Variants in CACNA1C observed in about 807,000 individuals in gnomAD.
CACNA1C encodes voltage-dependent L-type calcium channel subunit alpha-1C.
In CACNA1C, 30 loss-of-function variants were observed where a neutral mutation model predicts 229.0. The observed-to-expected ratio is 0.13, with a 90% confidence interval of 0.10 to 0.18. The LOEUF is 0.18. CACNA1C is among the 10% of genes least tolerant of loss of function. The pLI, the probability that CACNA1C is intolerant of heterozygous loss-of-function variation, is 1.00. For missense variants in CACNA1C, 1,658 were observed against 2,845.0 expected, an observed-to-expected ratio of 0.58 and a Z score of 9.49; for synonymous variants, 1,114 against 1,132.5, an observed-to-expected ratio of 0.98 and a Z score of 0.33.
chr12:2,683,466 A>AC (rs1345608685), intron 43 of CACNA1C, among the ~76,000 whole-genome samples: 1 of 152,324 alleles, frequency 6.6e-6, no homozygotes, highest in East Asian at 1.9e-4. Context: ...TTTCACCCTC[A>AC]AAGCCCTGTC....
At chr12:2,367,538 G>T (rs2097756737) in intron 3 of CACNA1C, among the ~76,000 whole-genome samples, 1 of 152,154 alleles carries the variant, frequency 6.6e-6, no homozygotes, top group South Asian at 2.1e-4. Context: ...ACAGATGTTG[G>T]TTAAAACAGA....
chr12:2,142,244 A>G (rs1223717681), intron 3 of CACNA1C, among the ~76,000 whole-genome samples: 1 of 151,218 alleles, frequency 6.6e-6, no homozygotes, highest in African/African-American at 2.4e-5. Context: ...TCAAGGACAG[A>G]GCACATGTAC....
In CACNA1C at chr12:2,664,997, C is replaced by T; in HGVS notation, c.4398+7C>T. 2 of 1,613,906 alleles carry T rather than the reference C, an allele frequency of 1.2e-6. No individual in the cohort carries two copies. Among genetic ancestry groups the T allele is most frequent in the Non-Finnish European group, 1.7e-6 (2 of 1,179,900 alleles). On this transcript the variant is annotated splice_region_variant and intron_variant, in intron 35 of 46. Coordinates refer to ENST00000399655, the MANE Select transcript of CACNA1C (RefSeq NM_000719.7). Reference sequence around the variant, plus strand: ...CATGCTCTGTGCCTTCCTGGTAAGCCAAGGGGGAACTCAACAGCCAGCAGC... The same window carrying T: ...CATGCTCTGTGCCTTCCTGGTAAGCTAAGGGGGAACTCAACAGCCAGCAGC...
chr12:2,506,703 T>C (rs2099772602), intron 8 of CACNA1C, among the ~76,000 whole-genome samples: 1 of 152,166 alleles, frequency 6.6e-6, no homozygotes, highest in South Asian at 2.1e-4. Flanking sequence ...CCCTGGTAAG[T>C]AGCAGAACCA....
Position 2,053,081 on chromosome 12 carries a change from CCT to C in CACNA1C, c.-480_-479del, listed in dbSNP as rs1324269777. ...GGAGCGGCGGCGGCGGCTCTTCCTGCCTCCGCGCCCAGGAGTTGCCGGCTCCC... is the reference window on the plus strand; with the variant it reads ...GGAGCGGCGGCGGCGGCTCTTCCTGCCCGCGCCCAGGAGTTGCCGGCTCCC... On this transcript the variant is annotated 5_prime_UTR_variant, in exon 1 of 47. Transcript: ENST00000399655. The surrounding 1 kb of genome is among the most constrained non-coding windows in gnomAD (Gnocchi z 5.8). 1.0e-6 allele frequency: 1 copy of C among 984,466 alleles called. No homozygotes were observed. Among genetic ancestry groups the C allele is most frequent in the African/African-American group, 1.7e-5 (1 of 57,264 alleles). 61.0% of individuals were successfully genotyped at this position (984,466 alleles called of 1,614,324 possible). A position where few individuals can be genotyped will look rare whatever the true frequency, so the allele number is the denominator to read the frequency against.
chr12:2,447,111 T>G (rs1005900461), intron 3 of CACNA1C, among the ~76,000 whole-genome samples: 1 of 152,190 alleles, frequency 6.6e-6, no homozygotes, highest in Non-Finnish European at 1.5e-5. Context: ...AGGGGCTGTG[T>G]GACAGCTCCA....
At chr12:2,657,118 G>C (rs745500621) in intron 34 of CACNA1C, among the ~76,000 whole-genome samples, 1 of 152,130 alleles carries the variant, frequency 6.6e-6, no homozygotes, top group African/African-American at 2.4e-5. Flanking sequence ...TACTCAGGCT[G>C]TACTTCCACA....
chr12:2,310,759 G>A (rs1467095684), intron 3 of CACNA1C, among the ~76,000 whole-genome samples: 3 of 152,234 alleles, frequency 2.0e-5, no homozygotes, highest in Non-Finnish European at 4.4e-5. Flanking sequence ...GAGATGCCAA[G>A]GAGCTGGTGT....
At chr12:2,340,722 C>G (rs373855804) in intron 3 of CACNA1C, among the ~76,000 whole-genome samples, 1 of 152,188 alleles carries the variant, frequency 6.6e-6, no homozygotes, top group Non-Finnish European at 1.5e-5. Context: ...CTTTGGGAGG[C>G]CGAGGCTGGC....
chr12:2,000,457 CTCT>C (rs1416507817), intron 1 of CACNA1C, among the ~76,000 whole-genome samples: 1 of 149,938 alleles, frequency 6.7e-6, no homozygotes, highest in Admixed American at 6.7e-5. Flanking sequence ...AACAGAAATT[CTCT>C]TTTCTTAATT....
intron 3 of CACNA1C, among the ~76,000 whole-genome samples, chr12:2,344,171 C>A (rs2238067): frequency 0.22 from 33,788 of 152,072 alleles, 5,975 homozygotes; most frequent in African/African-American, 0.5. Context: ...TGCCTTCTTG[C>A]GATCTCACAC....
chr12:2,607,710 G>A (rs2075984875), intron 26 of CACNA1C, among the ~76,000 whole-genome samples: 1 of 152,244 alleles, frequency 6.6e-6, no homozygotes, highest in Non-Finnish European at 1.5e-5. Context: ...ACCTCTACCA[G>A]GCAGCTTCCC....
At chr12:2,214,587 C>T (rs771114012) in intron 3 of CACNA1C, among the ~76,000 whole-genome samples, 19 of 151,298 alleles carry the variant, frequency 1.3e-4, no homozygotes, top group South Asian at 2.1e-4. Context: ...GAAGCCTAGG[C>T]GTGCCCTGAG....
intron 1 of CACNA1C, among the ~76,000 whole-genome samples, chr12:2,107,418 A>G (rs1414805353): frequency 1.0e-4 from 3 of 29,268 alleles, no homozygotes; most frequent in African/African-American, 4.0e-4. Context: ...CTCACCCTGG[A>G]GAGGGTTTCC....
At chr12:2,313,663 C>G (rs1405454228) in intron 3 of CACNA1C, among the ~76,000 whole-genome samples, 1 of 152,158 alleles carries the variant, frequency 6.6e-6, no homozygotes, top group Non-Finnish European at 1.5e-5. Flanking sequence ...GGAGCCCTTT[C>G]CCTCTAATGT....
At chr12:2,610,505 T>C (rs1344996421) in intron 27 of CACNA1C, 36 bp from the exon 28 acceptor site, 2 of 1,588,942 alleles carry the variant, frequency 1.3e-6, no homozygotes, top group South Asian at 1.2e-5. Context: ...TCCAGTTAAC[T>C]AACCCCACTC....
rs555928935 is a variant in CACNA1C at position 2,024,332 on chromosome 12, T to C, written c.139+53131T>C. On this transcript the variant is annotated intron_variant, in intron 1 of 46. Transcript: ENST00000682462. ...GGTATTTATAGATGACATCCTTAGA[T>C]GGGGAACACAGAGCTAGCTGCTATA... is the stretch of plus-strand genomic sequence containing the variant. Among the ~76,000 whole-genome samples the C allele has an allele frequency of 3.3e-5, 5 of 152,314 alleles. No individual in the cohort carries two copies. In the East Asian group the frequency reaches 9.6e-4, roughly 29 times the overall value.
At chr12:2,233,690 G>T (rs1054534712) in intron 3 of CACNA1C, among the ~76,000 whole-genome samples, 6 of 152,170 alleles carry the variant, frequency 3.9e-5, no homozygotes. Context: ...TCAGATGCAA[G>T]GAGGCTGAAG....
At chr12:2,105,470 G>A (rs568631822) in intron 1 of CACNA1C, among the ~76,000 whole-genome samples, 1 of 151,708 alleles carries the variant, frequency 6.6e-6, no homozygotes, top group African/African-American at 2.4e-5. Context: ...GAGGAGGACC[G>A]GCAGAGTGAC....
Sources: gnomAD v4.1 joint callset for allele counts (sites outside exome capture counted in the v4.1 genomes callset) on GRCh38, gnomAD v4.1.1 for gene constraint, Gnocchi (gnomAD v3.1) non-coding constraint, MANE v1.5 for transcripts, NCBI Gene and HGNC (gene_info 2026-07-23, HGNC 2026-07-21) for gene names.